VPS13B: variants seen among roughly 807,000 people sequenced by gnomAD.
The protein encoded by VPS13B is vacuolar protein sorting 13 homolog B.
In VPS13B, 285 loss-of-function variants were observed where a neutral mutation model predicts 426.4. The observed-to-expected ratio is 0.67, with a 90% CI of 0.61 to 0.74. VPS13B has a LOEUF of 0.74. VPS13B is among the 30% of genes least tolerant of loss of function. The probability of loss-of-function intolerance (pLI) is 0.00; values close to 1 mark genes in which losing one functional copy is unlikely to be tolerated. For missense variants in VPS13B, 4,537 were observed against 4,782.6 expected (o/e 0.95, Z 1.51); for synonymous variants, 1,676 against 1,676.4 (o/e 1.00, Z 0.01).
At chr8:99,243,657 T>C (rs1021001275) in intron 17 of VPS13B, among the ~76,000 whole-genome samples, 1 of 152,190 alleles carries the variant, frequency 6.6e-6, no homozygotes, top group African/African-American at 2.4e-5. Flanking sequence ...GCTAAAAGAA[T>C]CTTTTATTAC....
At chr8:99,471,420 A>G (rs1203212476) in intron 24 of VPS13B, among the ~76,000 whole-genome samples, 1 of 152,154 alleles carries the variant, frequency 6.6e-6, no homozygotes, top group Non-Finnish European at 1.5e-5. Context: ...TACATATCAT[A>G]TGAAGTGGTA....
At chr8:99,814,036 A>G (rs1050547617) in intron 44 of VPS13B, among the ~76,000 whole-genome samples, 3 of 152,184 alleles carry the variant, frequency 2.0e-5, no homozygotes, top group African/African-American at 7.2e-5. Flanking sequence ...GCTACTTAGG[A>G]GGCTGAGGCA....
intron 17 of VPS13B, among the ~76,000 whole-genome samples, chr8:99,270,017 T>G (rs960348273): frequency 6.6e-6 from 1 of 151,822 alleles, no homozygotes; most frequent in Non-Finnish European, 1.5e-5. Context: ...CTTTTAGTTG[T>G]TAAACCAAAT....
chr8:99,410,550 A>G, intron 21 of VPS13B, among the ~76,000 whole-genome samples: 1 of 150,426 alleles, frequency 6.6e-6, no homozygotes, highest in Non-Finnish European at 1.5e-5. Flanking sequence ...TTATTTATTT[A>G]TTTATTTATT....
chr8:99,313,748 T>C (rs934088130), intron 19 of VPS13B, among the ~76,000 whole-genome samples: 3 of 152,228 alleles, frequency 2.0e-5, no homozygotes, highest in African/African-American at 7.2e-5. Flanking sequence ...TCTGTTTGCC[T>C]ATGCCCTGTC....
At chr8:99,749,375 T>C (rs2130529712) in intron 39 of VPS13B, among the ~76,000 whole-genome samples, 1 of 152,132 alleles carries the variant, frequency 6.6e-6, no homozygotes, top group African/African-American at 2.4e-5. Context: ...CATACCCACC[T>C]CCCTTCCCCT....
intron 33 of VPS13B, among the ~76,000 whole-genome samples, chr8:99,614,234 TTTTTA>T (rs1342998442): frequency 1.3e-5 from 2 of 151,580 alleles, no homozygotes; most frequent in East Asian, 3.9e-4. Context: ...CCTAAAATAG[TTTTTA>T]TTTTAAATTT....
chr8:99,430,362 C>T (rs1010338647), intron 21 of VPS13B, among the ~76,000 whole-genome samples: 3 of 152,084 alleles, frequency 2.0e-5, no homozygotes, highest in Non-Finnish European at 4.4e-5. Flanking sequence ...GTTCTTCAAA[C>T]TTAATTTATT....
At chr8:99,478,447 G>GT (rs56261645) in intron 24 of VPS13B, among the ~76,000 whole-genome samples, 82 of 85,714 alleles carry the variant, frequency 9.6e-4, no homozygotes, top group Non-Finnish European at 1.0e-3. Context: ...TTTTTGTTTT[G>GT]TTTTTTTTTT....
At position 99,832,366 on chromosome 8, in the gene VPS13B, T is replaced by TTTTTTTTTTTTTTTTTTTTTTA; in HGVS notation, c.9331-3_9331-2insTTTTTTTTTTTTTTTTTTTTTA. Reference sequence around the variant, plus strand: ...ATTTTTTTTTTTTTTTTTTTTTTTTTAGTATTTTCGTGTTCCAGACAGTGC... The same window carrying TTTTTTTTTTTTTTTTTTTTTTA: ...ATTTTTTTTTTTTTTTTTTTTTTTTTTTTTTTTTTTTTTTTTTTTTTAAGTATTTTCGTGTTCCAGACAGTGC... On this transcript the variant is annotated splice_region_variant and splice_polypyrimidine_tract_variant and intron_variant, in intron 51 of 61. Coordinates refer to ENST00000357162, the MANE Select transcript of VPS13B (RefSeq NM_152564.5). 6.8e-7 allele frequency: 1 copy of TTTTTTTTTTTTTTTTTTTTTTA among 1,462,312 alleles called. No homozygotes were observed. The highest frequency in any genetic ancestry group is 9.0e-7 in the Non-Finnish European group (1 of 1,105,362). The allele number at this position is 1,462,312 out of a possible 1,614,324, so 90.6% of individuals were successfully genotyped here.
intron 51 of VPS13B, among the ~76,000 whole-genome samples, chr8:99,825,085 A>G (rs891522945): frequency 3.3e-5 from 5 of 152,208 alleles, no homozygotes; most frequent in African/African-American, 1.2e-4. Flanking sequence ...TCCTTTGGGT[A>G]TATACCCAGT....
chr8:99,519,637 T>C (rs1381095475), intron 29 of VPS13B, among the ~76,000 whole-genome samples: 2 of 151,974 alleles, frequency 1.3e-5, no homozygotes, highest in Non-Finnish European at 2.9e-5. Context: ...AAATGATGAG[T>C]TCACGTCCTT....
intron 42 of VPS13B, among the ~76,000 whole-genome samples, chr8:99,780,665 C>T (rs750051665): frequency 3.9e-5 from 6 of 152,030 alleles, no homozygotes; most frequent in African/African-American, 7.2e-5. Flanking sequence ...GATTTGGCAA[C>T]GTTAACATGA....
intron 21 of VPS13B, among the ~76,000 whole-genome samples, chr8:99,408,625 G>A (rs139243600): frequency 2.0e-5 from 3 of 152,272 alleles, no homozygotes; most frequent in Admixed American, 1.3e-4. Flanking sequence ...GAGATGTTCA[G>A]TACGCAGTTG....
rs561241806 is a variant in VPS13B at position 99,788,814 on chromosome 8, A to G, written c.7941+4338A>G. On this transcript the variant is annotated intron_variant, in intron 43 of 61. Transcript: ENST00000357162. The stretch of plus-strand genomic sequence containing the variant: ...ATAGGCTACATGCCAAATTTGGCCT[A>G]TAAGCCTAAGTTTGCCAACACTTGC... Among the ~76,000 whole-genome samples, 8 of 152,326 alleles carry G rather than the reference A, an allele frequency of 5.3e-5. No individual in the cohort carries two copies. The South Asian group carries it at 8.3e-4, about 16-fold the overall frequency.
intron 5 of VPS13B, among the ~76,000 whole-genome samples, chr8:99,105,327 G>A (rs1216496121): frequency 2.6e-5 from 4 of 152,302 alleles, no homozygotes; most frequent in South Asian, 2.1e-4. Context: ...ACTGGACAAT[G>A]TAGGATTGTA....
chr8:99,246,861 A>C lies in VPS13B; in HGVS notation c.2516-27337A>C, dbSNP rs1817249258. On this transcript the variant is annotated intron_variant, in intron 17 of 61. Transcript: ENST00000357162. ...CAAGACTCTGTCTCAAAAAAAAAAA[A>C]ACAAAAAAAGATTATGAGCTCTGAT... 2.0e-5 allele frequency among the ~76,000 whole-genome samples: 3 copies of C among 152,086 alleles called. 1 individual carries two copies. In the East Asian group the frequency reaches 5.8e-4, roughly 29 times the overall value.
chr8:99,281,258 C>T (rs1003092473), intron 19 of VPS13B, among the ~76,000 whole-genome samples: 2 of 152,234 alleles, frequency 1.3e-5, no homozygotes, highest in Admixed American at 6.5e-5. Flanking sequence ...CCACTCCTCA[C>T]CTCCTGCTGT....
intron 34 of VPS13B, among the ~76,000 whole-genome samples, chr8:99,647,683 T>G (rs890361936): frequency 6.6e-5 from 10 of 152,274 alleles, no homozygotes; most frequent in African/African-American, 2.4e-4. Flanking sequence ...AATAATTTAT[T>G]TATCTCATTA....
Sources: allele counts gnomAD v4.1 joint callset (sites outside exome capture counted in the v4.1 genomes callset), GRCh38; gene constraint gnomAD v4.1.1; transcripts MANE v1.5; gene names NCBI Gene and HGNC (gene_info 2026-07-23, HGNC 2026-07-21).